The following L3MBTL3 variants were observed in gnomAD, a reference collection of about 807,000 sequenced individuals.
L3MBTL3 encodes lethal(3)malignant brain tumor-like protein 3.
A neutral mutation model predicts 102.3 loss-of-function variants in L3MBTL3; 27 were observed. The observed-to-expected ratio is 0.26, with a 90% confidence interval of 0.19 to 0.36. L3MBTL3 has a LOEUF of 0.36. Ranked by LOEUF, L3MBTL3 falls within the 10% of genes least tolerant of loss-of-function variation. The pLI, the probability that L3MBTL3 is intolerant of heterozygous loss-of-function variation, is 1.00. For synonymous variants in L3MBTL3, 340 were observed against 320.9 expected, an observed-to-expected ratio of 1.06 and a Z score of -0.64; for missense variants, 798 against 955.3, an observed-to-expected ratio of 0.84 and a Z score of 2.17.
In L3MBTL3 at chr6:130,057,467, G is replaced by A. The variant is rs570995365; in HGVS notation, c.729G>A (p.Ala243=). The change falls in exon 9 of 23, where the codon GCG becomes GCA. Residue 243 remains alanine (A), a synonymous_variant. Transcript: ENST00000361794. ...CATCCTACCTGGAAGAGGAGAAAGC[G>A]GTGGCAGTGCCGGCGAAGCTGTTCA... ...CWASYLEEEK[A]VAVPAKLFKE... 13 of 1,610,856 alleles carry A rather than the reference G, an allele frequency of 8.1e-6. No homozygotes were observed. Among genetic ancestry groups the A allele is most frequent in the South Asian group, 4.5e-5 (4 of 89,678 alleles).
chr6:130,019,060 T>G (rs1584254346), intron 1 of L3MBTL3, among the ~76,000 whole-genome samples: 3 of 147,478 alleles, frequency 2.0e-5, no homozygotes, highest in African/African-American at 7.5e-5. Context: ...CGGGGAAGGG[T>G]GTGGGGGGCC....
intron 2 of L3MBTL3, among the ~76,000 whole-genome samples, chr6:130,027,183 C>T (rs766939478): frequency 3.9e-5 from 6 of 152,098 alleles, no homozygotes; most frequent in Non-Finnish European, 7.4e-5. Context: ...GGCAGTTCTT[C>T]AGTTTGACTT....
chr6:130,042,978 G>A (rs1780516907), intron 3 of L3MBTL3, among the ~76,000 whole-genome samples, 177 bp downstream of exon 3: 1 of 152,202 alleles, frequency 6.6e-6, no homozygotes. Context: ...CTGATGGAAT[G>A]GCAGAGCCTT....
chr6:130,067,824 C>T (rs1039624622), intron 11 of L3MBTL3, among the ~76,000 whole-genome samples: 1 of 152,106 alleles, frequency 6.6e-6, no homozygotes, highest in Non-Finnish European at 1.5e-5. Context: ...GGACATTTCC[C>T]TTATTGTAAT....
At chr6:130,139,056 T>C (rs533723149) in intron 22 of L3MBTL3, among the ~76,000 whole-genome samples, 1 of 150,964 alleles carries the variant, frequency 6.6e-6, no homozygotes, top group South Asian at 2.1e-4. Flanking sequence ...CATTCACTGT[T>C]TGATTGCCCC....
intron 10 of L3MBTL3, among the ~76,000 whole-genome samples, chr6:130,061,607 A>C (rs986734894): frequency 6.6e-6 from 1 of 152,220 alleles, no homozygotes; most frequent in Non-Finnish European, 1.5e-5. Flanking sequence ...TGACACTCTC[A>C]AACTTGATCA....
intron 16 of L3MBTL3, among the ~76,000 whole-genome samples, chr6:130,089,658 G>T (rs578119955): frequency 1.3e-5 from 2 of 152,158 alleles, no homozygotes; most frequent in East Asian, 3.9e-4. Flanking sequence ...TTCCACAATG[G>T]TTGAACTAGT....
intron 2 of L3MBTL3, among the ~76,000 whole-genome samples, chr6:130,041,331 T>G (rs760088505): frequency 6.6e-6 from 1 of 152,192 alleles, no homozygotes; most frequent in Non-Finnish European, 1.5e-5. Flanking sequence ...GGTTGTTGCC[T>G]AGAACCATTA....
Position 130,049,277 on chromosome 6 carries a change from G to C in L3MBTL3, c.103-5G>C. 6.3e-7 allele frequency: 1 copy of C among 1,590,806 alleles called. No individual in the cohort carries two copies. Among genetic ancestry groups the C allele is most frequent in the Non-Finnish European group, 8.6e-7 (1 of 1,161,024 alleles). The stretch of plus-strand genomic sequence containing the variant: ...AATTTTGCCTTTCTGCTGTGTTGTT[G>C]CTAGTTTCGGGTAAATGAGTTTGGA... On this transcript the variant is annotated splice_region_variant and splice_polypyrimidine_tract_variant and intron_variant, in intron 3 of 22. Coordinates refer to ENST00000361794, the MANE Select transcript of L3MBTL3 (RefSeq NM_032438.4).
chr6:130,062,387 CTT>C (rs879263408), intron 10 of L3MBTL3, among the ~76,000 whole-genome samples: 1 of 144,022 alleles, frequency 6.9e-6, no homozygotes, highest in Non-Finnish European at 1.5e-5. Context: ...CACACACACA[CTT>C]TTTTTTTTTT....
chr6:130,076,241 C>T (rs1327794179), intron 13 of L3MBTL3, among the ~76,000 whole-genome samples: 5 of 152,164 alleles, frequency 3.3e-5, no homozygotes. Flanking sequence ...TGATGTTTTC[C>T]ATAAGTAAGC....
At chr6:130,124,958 G>A (rs1344301253) in intron 20 of L3MBTL3, among the ~76,000 whole-genome samples, 3 of 149,872 alleles carry the variant, frequency 2.0e-5, no homozygotes, top group African/African-American at 4.9e-5. Flanking sequence ...CAACAAGAGC[G>A]AAACTCCATC....
intron 5 of L3MBTL3, 32 bp downstream of exon 5, chr6:130,049,862 T>C (rs372202970): frequency 3.8e-6 from 6 of 1,587,438 alleles, no homozygotes; most frequent in African/African-American, 2.7e-5. Context: ...TGAAATGCAA[T>C]TCATTTTCTA....
At chr6:130,094,049 CT>C (rs1784209910) in intron 17 of L3MBTL3, among the ~76,000 whole-genome samples, 1 of 152,164 alleles carries the variant, frequency 6.6e-6, no homozygotes, top group Non-Finnish European at 1.5e-5. Flanking sequence ...AGAAAGATAA[CT>C]AGTGTGAATA....
intron 16 of L3MBTL3, among the ~76,000 whole-genome samples, chr6:130,087,625 T>G (rs1783772471): frequency 6.6e-6 from 1 of 152,126 alleles, no homozygotes. Flanking sequence ...TTAAGAATGT[T>G]AAGGGAATAG....
At chr6:130,052,160 C>T (rs1416864598) in intron 6 of L3MBTL3, among the ~76,000 whole-genome samples, 1 of 151,068 alleles carries the variant, frequency 6.6e-6, no homozygotes, top group Non-Finnish European at 1.5e-5. Context: ...GGCTGGAGTG[C>T]AGTGGCGTGA....
intron 19 of L3MBTL3, among the ~76,000 whole-genome samples, chr6:130,108,611 C>A (rs1382906417): frequency 1.3e-5 from 2 of 151,734 alleles, no homozygotes; most frequent in African/African-American, 4.8e-5. Flanking sequence ...TCCTTAGGAG[C>A]AAATGAATGG....
intron 2 of L3MBTL3, among the ~76,000 whole-genome samples, chr6:130,023,490 T>C (rs1398772075): frequency 6.6e-6 from 1 of 152,162 alleles, no homozygotes; most frequent in East Asian, 1.9e-4. Flanking sequence ...ACTGCTTATT[T>C]TTCTTTGTCT....
chr6:130,039,219 C>G (rs1780257230), intron 2 of L3MBTL3, among the ~76,000 whole-genome samples: 1 of 152,092 alleles, frequency 6.6e-6, no homozygotes, highest in African/African-American at 2.4e-5. Flanking sequence ...GAGCAAATTT[C>G]TCACATTACA....
Sources: gnomAD v4.1 joint callset for allele counts (sites outside exome capture counted in the v4.1 genomes callset) on GRCh38, gnomAD v4.1.1 for gene constraint, MANE v1.5 for transcripts, NCBI Gene and HGNC (gene_info 2026-07-23, HGNC 2026-07-21) for gene names.